The following ALDH3A2 variants were observed in gnomAD, a reference collection of about 807,000 sequenced individuals.
ALDH3A2 encodes aldehyde dehydrogenase family 3 member A2.
A neutral mutation model predicts 51.3 loss-of-function variants in ALDH3A2; 36 were observed. That is an observed-to-expected ratio of 0.70 (90% confidence interval 0.54 to 0.93). The LOEUF (loss-of-function observed/expected upper bound fraction) is 0.93. Among genes scored for constraint, ALDH3A2 ranks in the 40% least tolerant of loss-of-function variants. The pLI is 0.00. For missense variants in ALDH3A2, 552 were observed against 603.1 expected, an observed-to-expected ratio of 0.92 and a Z score of 0.89; for synonymous variants, 199 against 219.8, an observed-to-expected ratio of 0.91 and a Z score of 0.84.
intron 9 of ALDH3A2, chr17:19,675,275 A>G (rs2085171871): frequency 1.6e-5 from 7 of 433,200 alleles, no homozygotes; most frequent in African/African-American, 2.0e-5. Flanking sequence ...TTCTGTCTCT[A>G]CTCTGACATT....
At position 19,675,893 on chromosome 17, in the gene ALDH3A2, A is replaced by G; in HGVS notation, c.*321A>G. Reference sequence around the variant, plus strand: ...TAAGGGAGTCTCAGAACCTCACTGAATCCTTCACTCCAGTTAATGGCACTG... The same window carrying G: ...TAAGGGAGTCTCAGAACCTCACTGAGTCCTTCACTCCAGTTAATGGCACTG... On this transcript the variant is annotated 3_prime_UTR_variant, in exon 10 of 10. Transcript: ENST00000176643. 2.5e-6 allele frequency: 1 copy of G among 392,970 alleles called. No homozygotes were observed. The highest frequency in any genetic ancestry group is 4.8e-6 in the Non-Finnish European group (1 of 209,656). 24.3% of individuals were successfully genotyped at this position (392,970 alleles called of 1,614,324 possible).
At chr17:19,652,717 T>C in intron 3 of ALDH3A2, 85 bp downstream of exon 3, 1 of 1,202,892 alleles carries the variant, frequency 8.3e-7, no homozygotes. Context: ...ATGTTATTGC[T>C]GGCCGGGGAC....
At chr17:19,670,924 T>G (rs755472839) in intron 8 of ALDH3A2, among the ~76,000 whole-genome samples, 13 of 152,170 alleles carry the variant, frequency 8.5e-5, no homozygotes, top group Non-Finnish European at 1.5e-4. Flanking sequence ...CTTGGGTCTC[T>G]TCTCACACCA....
chr17:19,673,311 G>A lies in ALDH3A2; in HGVS notation c.1443+1355G>A, dbSNP rs769769960. On this transcript the variant is annotated intron_variant, in intron 9 of 9. Coordinates refer to ENST00000176643, the MANE Select transcript of ALDH3A2 (RefSeq NM_000382.3). ...TTTGTTTTCTTTCTATATGTAAGGT[G>A]GGCCAAGTTGGGGTATGTTTTCAAG... 1.6e-5 allele frequency: 25 copies of A among 1,609,206 alleles called. No individual in the cohort carries two copies. In the African/African-American group the frequency reaches 3.2e-4, roughly 21 times the overall value.
chr17:19,659,371 C>G (rs1376344458), intron 5 of ALDH3A2, among the ~76,000 whole-genome samples: 2 of 151,760 alleles, frequency 1.3e-5, no homozygotes, highest in Non-Finnish European at 2.9e-5. Context: ...GACCCTGTGT[C>G]TACAAAAGAA....
intron 9 of ALDH3A2, chr17:19,674,754 T>TAA (rs1029358509): frequency 2.6e-5 from 4 of 152,370 alleles, no homozygotes; most frequent in Admixed American, 2.6e-4. Context: ...TCTGAGCTTT[T>TAA]AATCCTCTTT....
chr17:19,657,730 A>G lies in ALDH3A2; in HGVS notation c.681-15A>G, dbSNP rs766240333. On this transcript the variant is annotated splice_polypyrimidine_tract_variant and intron_variant, in intron 4 of 9. Coordinates refer to ENST00000176643, the MANE Select transcript of ALDH3A2 (RefSeq NM_000382.3). ...TTACTGAATTATATAGCTGTTCTGG[A>G]TGTTTTCCCCTCAGACGCATAACCT... 3 of 1,539,064 alleles carry G rather than the reference A, an allele frequency of 1.9e-6. No homozygotes were observed. Among genetic ancestry groups the G allele is most frequent in the African/African-American group, 1.4e-5 (1 of 73,220 alleles).
At chr17:19,675,534 T>C in intron 9 of ALDH3A2, 24 bp from the exon 10 acceptor site, 1 of 1,613,762 alleles carries the variant, frequency 6.2e-7, no homozygotes, top group Non-Finnish European at 8.5e-7. Context: ...CTGAGTAAAC[T>C]GAATCCTTTT....
At chr17:19,658,844 A>G (rs990841406) in intron 5 of ALDH3A2, among the ~76,000 whole-genome samples, 2 of 152,126 alleles carry the variant, frequency 1.3e-5, no homozygotes, top group Non-Finnish European at 2.9e-5. Flanking sequence ...GATGAAAGAA[A>G]TTATTGGAGC....
intron 6 of ALDH3A2, among the ~76,000 whole-genome samples, chr17:19,661,661 C>T (rs2084967948): frequency 6.6e-6 from 1 of 152,096 alleles, no homozygotes; most frequent in Non-Finnish European, 1.5e-5. Flanking sequence ...ATGTTTTGGT[C>T]CATCATGCTT....
chr17:19,648,651 A>T, upstream of ALDH3A2: 1 of 424,254 alleles, frequency 2.4e-6, no homozygotes, highest in Non-Finnish European at 4.4e-6. Context: ...GCCCGCTGCC[A>T]GAGCCGGGGA....
In ALDH3A2 at chr17:19,648,884, G is replaced by T; in HGVS notation, c.-88G>T. 1 of 1,497,092 alleles carries T rather than the reference G, an allele frequency of 6.7e-7. No individual in the cohort carries two copies. Among genetic ancestry groups the T allele is most frequent in the Non-Finnish European group, 9.0e-7 (1 of 1,112,076 alleles). The allele number at this position is 1,497,092 out of a possible 1,614,324, so 92.7% of individuals were successfully genotyped here. ...AGACACCCCCCGGAGGGAGGCGGAG[G>T]GAAGGGAGGCGAGGCCTGCACCTGC... On this transcript the variant is annotated 5_prime_UTR_variant, in exon 1 of 10. Coordinates refer to ENST00000176643, the MANE Select transcript of ALDH3A2 (RefSeq NM_000382.3).
intron 9 of ALDH3A2, chr17:19,672,440 T>C: frequency 5.6e-6 from 1 of 178,660 alleles, no homozygotes; most frequent in Non-Finnish European, 1.2e-5. Flanking sequence ...TGGTGAGGGA[T>C]ATTTTATTAG....
At chr17:19,672,068 G>A in intron 9 of ALDH3A2, 112 bp downstream of exon 9, 2 of 1,030,244 alleles carry the variant, frequency 1.9e-6, no homozygotes, top group Non-Finnish European at 3.0e-6. Context: ...GACAGGGTCA[G>A]TGAACCACAG....
intron 9 of ALDH3A2, 160 bp from the exon 10 acceptor site, chr17:19,675,398 A>G (rs1422399571): frequency 2.6e-6 from 2 of 756,694 alleles, no homozygotes; most frequent in Non-Finnish European, 4.6e-6. Flanking sequence ...CGTGCTTCCT[A>G]GGCTTCCTAG....
intron 8 of ALDH3A2, among the ~76,000 whole-genome samples, chr17:19,669,379 C>CT (rs748996082): frequency 1.1e-3 from 162 of 152,002 alleles, no homozygotes; most frequent in Middle Eastern, 0.01. Context: ...AATAATTTAC[C>CT]TTTTTTTTCC....
At chr17:19,666,989 T>G (rs1037921650) in intron 8 of ALDH3A2, among the ~76,000 whole-genome samples, 3 of 152,028 alleles carry the variant, frequency 2.0e-5, no homozygotes, top group African/African-American at 7.2e-5. Context: ...AAACAAGCCT[T>G]GACCCCCAAA....
intron 8 of ALDH3A2, 79 bp from the exon 9 acceptor site, chr17:19,671,642 G>A: frequency 7.8e-7 from 1 of 1,277,862 alleles, no homozygotes; most frequent in Non-Finnish European, 1.1e-6. Flanking sequence ...GTGCATGTGA[G>A]CTTTCCCGGT....
At chr17:19,673,204 C>T (rs769869589) in intron 9 of ALDH3A2, 1 of 1,614,180 alleles carries the variant, frequency 6.2e-7, no homozygotes, top group Admixed American at 1.7e-5. Flanking sequence ...TGGTAGTTCA[C>T]AGACTGCGTT....
Sources: gnomAD v4.1 joint callset for allele counts (sites outside exome capture counted in the v4.1 genomes callset) on GRCh38, gnomAD v4.1.1 for gene constraint, MANE v1.5 for transcripts, NCBI Gene and HGNC (gene_info 2026-07-23, HGNC 2026-07-21) for gene names.